PTPN4: variants seen among roughly 807,000 people sequenced by gnomAD.
PTPN4 encodes the protein tyrosine-protein phosphatase non-receptor type 4.
A neutral mutation model predicts 135.5 loss-of-function variants in PTPN4; 49 were observed. The ratio of observed to expected loss-of-function variants is 0.36; its 90% confidence interval spans 0.29 to 0.46. The LOEUF (loss-of-function observed/expected upper bound fraction) is 0.46. PTPN4 is among the 20% of genes least tolerant of loss of function. PTPN4 has a pLI of 1.00. For synonymous variants in PTPN4, 333 were observed against 369.9 expected, an observed-to-expected ratio of 0.90 and a Z score of 1.14; for missense variants, 860 against 1,101.0, an observed-to-expected ratio of 0.78 and a Z score of 3.10.
chr2:119,813,806 A>G (rs1324241350), intron 2 of PTPN4, among the ~76,000 whole-genome samples: 1 of 151,708 alleles, frequency 6.6e-6, no homozygotes, highest in Non-Finnish European at 1.5e-5. Flanking sequence ...GGAGGTGTCC[A>G]TTTTGCCTCT....
chr2:119,870,085 C>G (rs1188798135), intron 3 of PTPN4, among the ~76,000 whole-genome samples: 1 of 152,152 alleles, frequency 6.6e-6, no homozygotes, highest in African/African-American at 2.4e-5. Context: ...GGGAAGAACT[C>G]ATTTTTCTTT....
chr2:119,867,365 G>A (rs1558749372), intron 3 of PTPN4, among the ~76,000 whole-genome samples: 1 of 152,078 alleles, frequency 6.6e-6, no homozygotes, highest in Non-Finnish European at 1.5e-5. Context: ...ATGAGTGCTA[G>A]AGATAATTCA....
At position 119,956,825 on chromosome 2, in the gene PTPN4, C is replaced by CTTTTTT; in HGVS notation, c.1981-8_1981-3dup. ...TTTATGGCTTTTGTTGGAATTGTACCTTTTTTTTTTTTTTTTAGCAACTGT... is the reference window on the plus strand; with the variant it reads ...TTTATGGCTTTTGTTGGAATTGTACCTTTTTTTTTTTTTTTTTTTTTTAGCAACTGT... On this transcript the variant is annotated intron_variant, in intron 20 of 26. Coordinates refer to ENST00000263708, the MANE Select transcript of PTPN4 (RefSeq NM_002830.4). The CTTTTTT allele has an allele frequency of 2.0e-6, 3 of 1,506,014 alleles. No individual in the cohort carries two copies. The highest frequency in any genetic ancestry group is 2.5e-5 in the South Asian group (2 of 79,048). 93.3% of individuals were successfully genotyped at this position (1,506,014 alleles called of 1,614,324 possible). A position where few individuals can be genotyped will look rare whatever the true frequency, so the allele number is the denominator to read the frequency against.
At chr2:119,974,241 C>T (rs1029159062) in intron 26 of PTPN4, among the ~76,000 whole-genome samples, 2 of 152,032 alleles carry the variant, frequency 1.3e-5, no homozygotes, top group Non-Finnish European at 1.5e-5. Context: ...GATGGAGTTT[C>T]GCTCTTGTTG....
rs1444814621 is a variant in PTPN4 at position 119,773,726 on chromosome 2, ACT to A, written c.-18+13345_-18+13346del. Among the ~76,000 whole-genome samples the A allele has an allele frequency of 1.7e-4, 23 of 133,380 alleles. No homozygotes were observed. The South Asian group carries it at 5.7e-3, about 33-fold the overall frequency. The allele number at this position is 133,380 out of a possible 152,430, so 87.5% of individuals were successfully genotyped here. On this transcript the variant is annotated intron_variant, in intron 1 of 26. Coordinates refer to ENST00000263708, the MANE Select transcript of PTPN4 (RefSeq NM_002830.4). ...ACTCCAGCCTGGGTGACAGAGCAAG[ACT>A]CTGTCTCAAAAAAAAAAAAAAAAAC...
intron 15 of PTPN4, among the ~76,000 whole-genome samples, chr2:119,938,908 G>T (rs909126122): frequency 6.6e-6 from 1 of 151,786 alleles, no homozygotes; most frequent in African/African-American, 2.4e-5. Flanking sequence ...CAGTTACTTT[G>T]TTTTAGATGC....
At chr2:119,967,085 C>T (rs1205657166) in intron 25 of PTPN4, among the ~76,000 whole-genome samples, 1 of 152,224 alleles carries the variant, frequency 6.6e-6, no homozygotes, top group Non-Finnish European at 1.5e-5. Context: ...TCCCTGATAA[C>T]TACTGCATTC....
intron 2 of PTPN4, among the ~76,000 whole-genome samples, chr2:119,838,555 T>C (rs1677330696): frequency 1.3e-5 from 2 of 152,230 alleles, no homozygotes; most frequent in African/African-American, 4.8e-5. Context: ...AACAGGAAGC[T>C]CCTTTTGCCT....
intron 8 of PTPN4, among the ~76,000 whole-genome samples, chr2:119,883,962 C>T (rs368106097): frequency 2.0e-5 from 3 of 152,166 alleles, no homozygotes; most frequent in East Asian, 1.9e-4. Flanking sequence ...TGCAGTGGCG[C>T]GATCTCAGCT....
intron 2 of PTPN4, among the ~76,000 whole-genome samples, chr2:119,839,579 A>G (rs1387581728): frequency 2.6e-5 from 4 of 152,214 alleles, no homozygotes; most frequent in African/African-American, 7.2e-5. Context: ...CATTTTAAAA[A>G]TTGCAATAAA....
chr2:119,905,929 A>G (rs1211062144), intron 10 of PTPN4, among the ~76,000 whole-genome samples: 1 of 152,168 alleles, frequency 6.6e-6, no homozygotes, highest in Non-Finnish European at 1.5e-5. Context: ...GCAACATAAC[A>G]TACTAGAACC....
intron 2 of PTPN4, among the ~76,000 whole-genome samples, chr2:119,862,279 AG>A (rs1677772147): frequency 1.3e-5 from 2 of 152,150 alleles, no homozygotes; most frequent in Admixed American, 1.3e-4. Flanking sequence ...TTCTCAACCA[AG>A]TCATTGGTAT....
At chr2:119,906,843 G>T (rs1278327669) in intron 10 of PTPN4, among the ~76,000 whole-genome samples, 1 of 152,150 alleles carries the variant, frequency 6.6e-6, no homozygotes, top group Non-Finnish European at 1.5e-5. Context: ...ATGAAATAAA[G>T]GCCATCCATA....
At chr2:119,805,136 TG>T (rs1468833164) in intron 1 of PTPN4, among the ~76,000 whole-genome samples, 2 of 152,232 alleles carry the variant, frequency 1.3e-5, no homozygotes, top group African/African-American at 4.8e-5. Flanking sequence ...TGGGGTTGTT[TG>T]TTTTTTTCTT....
At chr2:119,976,501 C>T (rs868324015) in intron 26 of PTPN4, among the ~76,000 whole-genome samples, 2 of 152,036 alleles carry the variant, frequency 1.3e-5, no homozygotes, top group Admixed American at 1.3e-4. Flanking sequence ...CTTTTCTTCC[C>T]GACTAGCTAG....
chr2:119,863,765 A>G (rs1677793226), intron 3 of PTPN4, among the ~76,000 whole-genome samples: 2 of 152,186 alleles, frequency 1.3e-5, no homozygotes, highest in Admixed American at 1.3e-4. Context: ...TTCAGTGAAA[A>G]TAAATGCTTT....
intron 20 of PTPN4, 87 bp downstream of exon 20, chr2:119,955,410 A>G (rs994631897): frequency 4.7e-6 from 5 of 1,070,884 alleles, no homozygotes; most frequent in Non-Finnish European, 6.1e-6. Flanking sequence ...TCTGTGCATT[A>G]TAATTTCTAA....
At chr2:119,850,642 T>A (rs1416227538) in intron 2 of PTPN4, among the ~76,000 whole-genome samples, 2 of 152,218 alleles carry the variant, frequency 1.3e-5, no homozygotes, top group Non-Finnish European at 2.9e-5. Context: ...GTGGCTCAAG[T>A]GCCACAGGGT....
At position 119,977,835 on chromosome 2, in the gene PTPN4, C is replaced by T. The variant is rs1054877634; in HGVS notation, c.*765C>T. 7.9e-5 allele frequency: 12 copies of T among 152,276 alleles called. No homozygotes were observed. The highest frequency in any genetic ancestry group is 2.6e-4 in the African/African-American group (11 of 41,546). The allele number at this position is 152,276 out of a possible 1,614,324, so 9.4% of individuals were successfully genotyped here. On this transcript the variant is annotated 3_prime_UTR_variant, in exon 27 of 27. Coordinates refer to ENST00000263708, the MANE Select transcript of PTPN4 (RefSeq NM_002830.4). The stretch of plus-strand genomic sequence containing the variant: ...TCTTAACCCCTTAAGTGCCTTGAGA[C>T]GTCCTTGTATGTCTAACGAAAAGGC...
Sources: gnomAD v4.1 joint callset for allele counts (sites outside exome capture counted in the v4.1 genomes callset) on GRCh38, gnomAD v4.1.1 for gene constraint, MANE v1.5 for transcripts, NCBI Gene and HGNC (gene_info 2026-07-23, HGNC 2026-07-21) for gene names.